The following UGT2A1 variants were observed in gnomAD, a reference collection of about 807,000 sequenced individuals.
The protein encoded by UGT2A1 is UDP glucuronosyltransferase family 2 member A1 complex locus, also known as UDP-glucuronosyltransferase 2A1.
UGT2A1 carries 61 observed loss-of-function variants against 45.4 expected under a neutral mutation model. The ratio of observed to expected loss-of-function variants is 1.34; its 90% confidence interval spans 1.09 to 1.66. The LOEUF is 1.66. Ranked by LOEUF, UGT2A1 falls within the 40% of genes most tolerant of loss-of-function variation. The pLI is 0.00. For synonymous variants in UGT2A1, 229 were observed against 196.2 expected, an observed-to-expected ratio of 1.17 and a Z score of -1.40; for missense variants, 649 against 574.3, an observed-to-expected ratio of 1.13 and a Z score of -1.33.
intron 3 of UGT2A1, among the ~76,000 whole-genome samples, chr4:69,613,671 A>G (rs551392882): frequency 6.6e-6 from 1 of 152,180 alleles, no homozygotes; most frequent in Non-Finnish European, 1.5e-5. Context: ...ATTTTTCAAC[A>G]TATGCAAATC....
At chr4:69,651,059 A>G (rs895319484) in intron 1 of UGT2A1, among the ~76,000 whole-genome samples, 1 of 152,110 alleles carries the variant, frequency 6.6e-6, no homozygotes, top group African/African-American at 2.4e-5. Context: ...TTCATGTGAT[A>G]CATGTGATGT....
chr4:69,621,839 A>G, intron 3 of UGT2A1, among the ~76,000 whole-genome samples: 1 of 151,930 alleles, frequency 6.6e-6, no homozygotes, highest in Non-Finnish European at 1.5e-5. Context: ...GAAAGAGAAC[A>G]TGTTTTTTGC....
Position 69,647,379 on chromosome 4 carries a change from TC to T in UGT2A1, c.265del (p.Asp89ThrfsTer4), listed in dbSNP as rs747217073. On this transcript the variant is annotated frameshift_variant, in exon 2 of 7. Transcript: ENST00000286604. LOFTEE classifies it high-confidence loss of function. ...ATTTTCCAGCCATGTCAAAACGAAG[TC>T]CTTAATTACTCCTTCTATTCTTTCT... ...GKERIEGVIK[D>X]FVLTWLENRP... 2.5e-6 allele frequency: 4 copies of T among 1,613,226 alleles called. No homozygotes were observed. Among genetic ancestry groups the T allele is most frequent in the Non-Finnish European group, 3.4e-6 (4 of 1,179,498 alleles).
intron 3 of UGT2A1, among the ~76,000 whole-genome samples, chr4:69,634,358 T>C (rs1483529072): frequency 6.6e-6 from 1 of 151,964 alleles, no homozygotes; most frequent in Non-Finnish European, 1.5e-5. Context: ...TGACGAAAGA[T>C]TAACAGAAAC....
rs1719602994 is a variant in UGT2A1, at chr4:69,606,215, C to T, written c.848-6821G>A. 1.5e-5 allele frequency among the ~76,000 whole-genome samples: 2 copies of T among 136,152 alleles called. 1 individual carries two copies. Among genetic ancestry groups the T allele is most frequent in the South Asian group, 4.9e-4 (2 of 4,078 alleles). The allele number at this position is 136,152 out of a possible 152,430, so 89.3% of individuals were successfully genotyped here. The stretch of plus-strand genomic sequence containing the variant: ...CCAAATCCAGCGGCACATCAAAAAG[C>T]TTACCCACCATGATCAAGTGGGCTT... On this transcript the variant is annotated intron_variant, in intron 3 of 6. Transcript: ENST00000286604.
Position 69,604,067 on chromosome 4 carries a change from C to T in UGT2A1, c.848-4673G>A, listed in dbSNP as rs549479416. On this transcript the variant is annotated intron_variant, in intron 3 of 6. Coordinates refer to ENST00000286604, the MANE Select transcript of UGT2A1 (RefSeq NM_001252275.3). ...GTTCAAACTCAGGAAATACAGAGAA[C>T]GCCACAAAGATACTCCTCGAGAAGA... is the stretch of plus-strand genomic sequence containing the variant. Among the ~76,000 whole-genome samples, 11 of 135,902 alleles carry T rather than the reference C, an allele frequency of 8.1e-5. 1 individual carries two copies. In the South Asian group the frequency reaches 1.5e-3, roughly 18 times the overall value. 89.2% of individuals were successfully genotyped at this position (135,902 alleles called of 152,430 possible).
intron 6 of UGT2A1, among the ~76,000 whole-genome samples, chr4:69,592,191 T>C (rs536474436): frequency 3.3e-4 from 50 of 152,292 alleles, no homozygotes; most frequent in African/African-American, 1.2e-3. Flanking sequence ...CATCCGAGTT[T>C]ACCTTCTCCT....
chr4:69,632,062 AT>A (rs1376533522), intron 3 of UGT2A1, among the ~76,000 whole-genome samples: 1 of 152,192 alleles, frequency 6.6e-6, no homozygotes, highest in Admixed American at 6.5e-5. Flanking sequence ...TGTGATGTAT[AT>A]TAACTTTATT....
At chr4:69,614,301 A>G (rs1024378567) in intron 3 of UGT2A1, among the ~76,000 whole-genome samples, 4 of 152,040 alleles carry the variant, frequency 2.6e-5, no homozygotes, top group African/African-American at 9.7e-5. Flanking sequence ...ACTACAAAAT[A>G]TGGATGAAAA....
At chr4:69,635,916 C>T (rs1439219534) in intron 2 of UGT2A1, 94 bp from the exon 3 acceptor site, 1 of 150,208 alleles carries the variant, frequency 6.7e-6, no homozygotes, top group African/African-American at 2.5e-5. Context: ...CTTGGCCTGA[C>T]CAAAATTTAT....
At chr4:69,610,430 C>T (rs1269839646) in intron 3 of UGT2A1, among the ~76,000 whole-genome samples, 3 of 151,980 alleles carry the variant, frequency 2.0e-5, no homozygotes, top group Non-Finnish European at 4.4e-5. Flanking sequence ...TAATTTAAGC[C>T]TTTTTCCTGT....
At chr4:69,596,279 C>A in intron 4 of UGT2A1, 1 of 1,606,248 alleles carries the variant, frequency 6.2e-7, no homozygotes. Flanking sequence ...AGGGCTGAGG[C>A]AATAAGATTG....
In UGT2A1 at chr4:69,649,807, G is replaced by C. The variant is rs184033664; in HGVS notation, c.-54-2109C>G. On this transcript the variant is annotated intron_variant, in intron 1 of 6. Coordinates refer to ENST00000286604, the MANE Select transcript of UGT2A1 (RefSeq NM_001252275.3). The stretch of plus-strand genomic sequence containing the variant: ...CCTACAACATGCCTGGAGGTGCACA[G>C]ATAAGATTAGTTACACAGAACCAGA... Among the ~76,000 whole-genome samples the C allele has an allele frequency of 1.9e-3, 294 of 152,154 alleles. 1 individual carries two copies. The highest frequency in any genetic ancestry group is 6.8e-3 in the Middle Eastern group (2 of 292).
chr4:69,607,991 T>C (rs1251151624), intron 3 of UGT2A1, among the ~76,000 whole-genome samples: 3 of 152,110 alleles, frequency 2.0e-5, no homozygotes, highest in South Asian at 2.1e-4. Context: ...ACTAGTTCAA[T>C]CATTGTGGAA....
At chr4:69,640,486 C>T (rs1268926744) in intron 2 of UGT2A1, among the ~76,000 whole-genome samples, 1 of 151,876 alleles carries the variant, frequency 6.6e-6, no homozygotes, top group Non-Finnish European at 1.5e-5. Context: ...ATAGTGAGAT[C>T]AGATATGGAT....
At chr4:69,615,129 G>T (rs1341260406) in intron 3 of UGT2A1, among the ~76,000 whole-genome samples, 2 of 151,994 alleles carry the variant, frequency 1.3e-5, no homozygotes, top group African/African-American at 4.8e-5. Context: ...TTCAACATGA[G>T]ATTTGGATGA....
intron 3 of UGT2A1, among the ~76,000 whole-genome samples, chr4:69,606,008 G>T (rs1719587469): frequency 7.3e-6 from 1 of 136,472 alleles, no homozygotes; most frequent in Non-Finnish European, 1.6e-5. Flanking sequence ...GGAGGAGCTG[G>T]TACCATTCCT....
intron 2 of UGT2A1, among the ~76,000 whole-genome samples, chr4:69,641,347 G>A (rs1722039878): frequency 6.6e-6 from 1 of 151,868 alleles, no homozygotes; most frequent in African/African-American, 2.4e-5. Flanking sequence ...AATCCTATTA[G>A]TCTGAATTGA....
intron 2 of UGT2A1, among the ~76,000 whole-genome samples, chr4:69,645,066 T>C (rs1033197390): frequency 8.6e-5 from 13 of 151,744 alleles, no homozygotes; most frequent in Non-Finnish European, 1.3e-4. Flanking sequence ...ATTTAGGATG[T>C]TCATTCATTA....
Sources: gnomAD v4.1 joint callset for allele counts (sites outside exome capture counted in the v4.1 genomes callset) on GRCh38, gnomAD v4.1.1 for gene constraint, MANE v1.5 for transcripts, NCBI Gene and HGNC (gene_info 2026-07-23, HGNC 2026-07-21) for gene names.